Variants in ZFYVE21 observed in about 807,000 individuals in gnomAD.
The protein encoded by ZFYVE21 is zinc finger FYVE domain-containing protein 21.
In ZFYVE21, 21 loss-of-function variants were observed where a neutral mutation model predicts 29.5. That is an observed-to-expected ratio of 0.71 (90% CI 0.50 to 1.02). The LOEUF (loss-of-function observed/expected upper bound fraction) is 1.02, where lower values mean the gene tolerates loss of function less well. ZFYVE21 is among the 50% of genes least tolerant of loss of function. The pLI, the probability that ZFYVE21 is intolerant of heterozygous loss-of-function variation, is 0.00. For missense variants in ZFYVE21, 326 were observed against 335.4 expected (o/e 0.97, Z 0.22); for synonymous variants, 151 against 133.8 (o/e 1.13, Z -0.89).
rs2083800886 is a variant in ZFYVE21, at chr14:103,715,972, A to C, written c.131A>C (p.Asp44Ala). The C allele has an allele frequency of 7.5e-7, 1 of 1,340,540 alleles. No individual in the cohort carries two copies. The highest frequency in any genetic ancestry group is 3.0e-5 in the Admixed American group (1 of 33,612). The allele number at this position is 1,340,540 out of a possible 1,614,324, so 83.0% of individuals were successfully genotyped here. ...FGLEEPQWVP[D>A]KECRRCMQCD... The stretch of plus-strand genomic sequence containing the variant: ...CTGGAGGAGCCGCAGTGGGTCCCGG[A>C]CAAGGAGGTGGGTGGCCGTCGCCCC... Residue 44 changes from aspartate (D) to alanine (A), a missense_variant, in exon 1 of 7, where the codon GAC (aspartate) becomes GCC (alanine). Physicochemically the swap from Asp to Ala is moderately radical, Grantham distance 126. Transcript: ENST00000311141.
intron 1 of ZFYVE21, among the ~76,000 whole-genome samples, chr14:103,717,192 G>C (rs1232215790): frequency 2.0e-5 from 3 of 152,176 alleles, no homozygotes; most frequent in Non-Finnish European, 2.9e-5. Context: ...GCGTGTCCTG[G>C]AGAGTTGAGA....
chr14:103,727,744 A>G lies in ZFYVE21; in HGVS notation c.190-2A>G. The G allele has an allele frequency of 2.5e-6, 4 of 1,606,026 alleles. No homozygotes were observed. The highest frequency in any genetic ancestry group is 3.4e-6 in the Non-Finnish European group (4 of 1,179,388). On this transcript the variant is annotated splice_acceptor_variant, in intron 2 of 6. Transcript: ENST00000311141. LOFTEE classifies it high-confidence loss of function. ...ACTGCCAATCCTCCCGCATCTGCCCAGCACCACTGTCGCCGCTGCGGGAAG... is the reference window on the plus strand; with the variant it reads ...ACTGCCAATCCTCCCGCATCTGCCCGGCACCACTGTCGCCGCTGCGGGAAG...
chr14:103,722,897 GC>G (rs1488090152), intron 1 of ZFYVE21, among the ~76,000 whole-genome samples: 1 of 151,958 alleles, frequency 6.6e-6, no homozygotes, highest in Non-Finnish European at 1.5e-5. Context: ...TGATCCTCCT[GC>G]CTCAGCCTCC....
chr14:103,727,662 G>T, intron 2 of ZFYVE21, 84 bp from the exon 3 acceptor site: 1 of 1,565,790 alleles, frequency 6.4e-7, no homozygotes, highest in Non-Finnish European at 8.7e-7. Flanking sequence ...GCGTGGCCCG[G>T]GGAGTGCCAG....
At position 103,716,087 on chromosome 14, in the gene ZFYVE21, C is replaced by G. The variant is rs2083803687; in HGVS notation, c.138+108C>G. 13 of 1,059,814 alleles carry G rather than the reference C, an allele frequency of 1.2e-5. No individual in the cohort carries two copies. The highest frequency in any genetic ancestry group is 1.5e-5 in the Non-Finnish European group (13 of 857,736). The allele number at this position is 1,059,814 out of a possible 1,614,324, so 65.7% of individuals were successfully genotyped here. A position where few individuals can be genotyped will look rare whatever the true frequency, so the allele number is the denominator to read the frequency against. On this transcript the variant is annotated intron_variant, in intron 1 of 6. Coordinates refer to ENST00000311141, the MANE Select transcript of ZFYVE21 (RefSeq NM_024071.4). The surrounding 1 kb of genome is among the most constrained non-coding windows in gnomAD (Gnocchi z 4.8). ...CGACCCCTCCGCCTCCGGGCGGCCC[C>G]TTCCCCAGCCGGCCCCCGCCCCCGC...
intron 1 of ZFYVE21, among the ~76,000 whole-genome samples, chr14:103,717,592 A>C (rs2083838261): frequency 6.6e-6 from 1 of 152,208 alleles, no homozygotes; most frequent in African/African-American, 2.4e-5. Context: ...GCCTCTGCTG[A>C]GGCACTGTGT....
intron 3 of ZFYVE21, 49 bp from the exon 4 acceptor site, chr14:103,728,859 G>T (rs372264722): frequency 2.4e-5 from 39 of 1,591,938 alleles, no homozygotes; most frequent in Non-Finnish European, 3.1e-5. Flanking sequence ...GAAGGGTTAG[G>T]TGGAAAAGAA....
chr14:103,717,319 T>C (rs79995511), intron 1 of ZFYVE21, among the ~76,000 whole-genome samples: 2,474 of 152,340 alleles, frequency 0.016, 64 homozygotes, highest in African/African-American at 0.056. Flanking sequence ...CACGTGAAAA[T>C]TGTATTTATG....
intron 5 of ZFYVE21, chr14:103,729,680 T>C (rs2083957660): frequency 1.5e-6 from 2 of 1,337,342 alleles, no homozygotes; most frequent in Admixed American, 4.2e-5. Context: ...TCCCGTTATC[T>C]GCAAACTGTG....
chr14:103,725,417 G>C (rs936609223), intron 1 of ZFYVE21: 14 of 152,412 alleles, frequency 9.2e-5, no homozygotes, highest in African/African-American at 3.1e-4. Flanking sequence ...TCAGAAGCAG[G>C]CTCTGTGGTG....
chr14:103,732,507 C>T, intron 5 of ZFYVE21, 113 bp from the exon 6 acceptor site: 1 of 1,331,728 alleles, frequency 7.5e-7, no homozygotes, highest in Non-Finnish European at 1.0e-6. Flanking sequence ...CACTGCCAGG[C>T]TACTCTTGGA....
intron 1 of ZFYVE21, 150 bp from the exon 2 acceptor site, chr14:103,726,642 A>G: frequency 1.0e-6 from 1 of 976,746 alleles, no homozygotes; most frequent in Non-Finnish European, 1.6e-6. Flanking sequence ...CGGCCAGTCC[A>G]CCGTCCTGCG....
chr14:103,727,947 C>G lies in ZFYVE21; in HGVS notation c.358+33C>G, dbSNP rs1290782833. The G allele has an allele frequency of 1.9e-6, 3 of 1,568,480 alleles. No homozygotes were observed. In the African/African-American group the frequency reaches 4.1e-5, roughly 21 times the overall value. ...CGGGTGTCCTGCACAGTCCCGCGCGCTCCGCCAGCCGGCTCCTCGTGTCTG... is the reference window on the plus strand; with the variant it reads ...CGGGTGTCCTGCACAGTCCCGCGCGGTCCGCCAGCCGGCTCCTCGTGTCTG... On this transcript the variant is annotated intron_variant, in intron 3 of 6. Transcript: ENST00000311141.
At chr14:103,723,861 G>C (rs1165620225) in intron 1 of ZFYVE21, among the ~76,000 whole-genome samples, 2 of 152,246 alleles carry the variant, frequency 1.3e-5, no homozygotes, top group Non-Finnish European at 2.9e-5. Flanking sequence ...TGCTGCCTGT[G>C]TGGGTCCCGC....
rs2083810146 is a variant in ZFYVE21 at position 103,716,323 on chromosome 14, C to G, written c.138+344C>G. ...GAGGCCGGTTCGTGCTGGGCTAGCG[C>G]GTGTGGACTGCGTCCCGAGAGCTGG... On this transcript the variant is annotated intron_variant, in intron 1 of 6. Transcript: ENST00000311141. The surrounding 1 kb of genome is among the most constrained non-coding windows in gnomAD (Gnocchi z 4.8). Among the ~76,000 whole-genome samples, 1 of 152,172 alleles carries G rather than the reference C, an allele frequency of 6.6e-6. No homozygotes were observed. Among genetic ancestry groups the G allele is most frequent in the South Asian group, 2.1e-4 (1 of 4,830 alleles).
Position 103,733,173 on chromosome 14 carries a change from A to G in ZFYVE21, c.*155A>G. The G allele has an allele frequency of 1.1e-6, 1 of 879,452 alleles. No individual in the cohort carries two copies. Among genetic ancestry groups the G allele is most frequent in the Non-Finnish European group, 1.8e-6 (1 of 564,168 alleles). 54.5% of individuals were successfully genotyped at this position (879,452 alleles called of 1,614,324 possible). On this transcript the variant is annotated 3_prime_UTR_variant, in exon 7 of 7. Coordinates refer to ENST00000311141, the MANE Select transcript of ZFYVE21 (RefSeq NM_024071.4). ...TTTGGAGAAACAGGAGTGTTCACTT[A>G]TCTAGTGCAATATGTTCACAGTTTA... is the stretch of plus-strand genomic sequence containing the variant.
chr14:103,729,312 C>A, intron 5 of ZFYVE21, 130 bp downstream of exon 5: 1 of 875,536 alleles, frequency 1.1e-6, no homozygotes, highest in Non-Finnish European at 1.7e-6. Flanking sequence ...CCAGGACAAT[C>A]TGCCTTTCCT....
intron 3 of ZFYVE21, 115 bp from the exon 4 acceptor site, chr14:103,728,793 T>C: frequency 1.0e-6 from 1 of 1,003,670 alleles, no homozygotes; most frequent in Non-Finnish European, 1.5e-6. Context: ...CTGTGGTTTG[T>C]TTCTTGCTGT....
chr14:103,729,970 CT>C (rs1259055440), intron 5 of ZFYVE21: 4 of 1,111,960 alleles, frequency 3.6e-6, no homozygotes, highest in Non-Finnish European at 5.0e-6. Flanking sequence ...AATTCACTTA[CT>C]TTGGTTGACT....
Sources: allele counts gnomAD v4.1 joint callset (sites outside exome capture counted in the v4.1 genomes callset), GRCh38; gene constraint gnomAD v4.1.1; non-coding constraint Gnocchi (gnomAD v3.1); transcripts MANE v1.5; gene names NCBI Gene and HGNC (gene_info 2026-07-23, HGNC 2026-07-21).